The following BLK variants were observed in gnomAD, a reference collection of about 807,000 sequenced individuals.
The protein encoded by BLK is BLK proto-oncogene, Src family tyrosine kinase.
A neutral mutation model predicts 61.8 loss-of-function variants in BLK; 64 were observed. The ratio of observed to expected loss-of-function variants is 1.03; its 90% CI spans 0.85 to 1.27. BLK has a LOEUF of 1.27. BLK is among the 50% of genes most tolerant of loss of function. BLK has a pLI of 0.00. For missense variants in BLK, 853 were observed against 660.5 expected (o/e 1.29, Z -3.19); for synonymous variants, 351 against 272.0 (o/e 1.29, Z -2.86).
At chr8:11,535,365 G>T (rs1048191189) in intron 1 of BLK, among the ~76,000 whole-genome samples, 5 of 151,668 alleles carry the variant, frequency 3.3e-5, no homozygotes, top group Non-Finnish European at 4.4e-5. Context: ...GAAAGGAAGG[G>T]ATATATTGCA....
chr8:11,530,545 A>C (rs1585365327), intron 1 of BLK, among the ~76,000 whole-genome samples: 2 of 152,366 alleles, frequency 1.3e-5, no homozygotes, highest in East Asian at 3.9e-4. Flanking sequence ...TACTCAAGTA[A>C]CTATATTGCC....
chr8:11,508,996 GC>G (rs1324841499), intron 1 of BLK, among the ~76,000 whole-genome samples: 1 of 152,176 alleles, frequency 6.6e-6, no homozygotes, highest in Non-Finnish European at 1.5e-5. Context: ...GTCGTTAGCA[GC>G]CCAGCCTGTG....
At chr8:11,518,050 C>T (rs896757406) in intron 1 of BLK, among the ~76,000 whole-genome samples, 1 of 152,126 alleles carries the variant, frequency 6.6e-6, no homozygotes, top group Admixed American at 6.5e-5. Flanking sequence ...GCACTCAGAG[C>T]TCACTCTGCA....
chr8:11,531,277 T>A (rs1799876991), intron 1 of BLK, among the ~76,000 whole-genome samples: 1 of 152,230 alleles, frequency 6.6e-6, no homozygotes, highest in African/African-American at 2.4e-5. Context: ...CTTTTCTTAA[T>A]GGTGTTTTTA....
Position 11,550,272 on chromosome 8 carries a change from G to C in BLK, c.472+10G>C. On this transcript the variant is annotated intron_variant, in intron 6 of 12. Transcript: ENST00000259089. ...AGTGAAACCAACAAAGGTAGGCTTG[G>C]TGGCTTTGCCTGCCTTCCTTGCCCT... is the stretch of plus-strand genomic sequence containing the variant. 3 of 1,613,292 alleles carry C rather than the reference G, an allele frequency of 1.9e-6. No homozygotes were observed.
At chr8:11,535,127 A>G (rs576776959) in intron 1 of BLK, among the ~76,000 whole-genome samples, 1 of 152,030 alleles carries the variant, frequency 6.6e-6, no homozygotes, top group Non-Finnish European at 1.5e-5. Context: ...GCAGTGAGCC[A>G]TGATCACGCC....
At chr8:11,558,648 T>C (rs984502543) in intron 10 of BLK, 2 of 455,966 alleles carry the variant, frequency 4.4e-6, no homozygotes, top group African/African-American at 4.0e-5. Flanking sequence ...GTCCCTCACG[T>C]TCACATGCAG....
At chr8:11,505,679 C>G (rs1798745503) in intron 1 of BLK, among the ~76,000 whole-genome samples, 1 of 152,184 alleles carries the variant, frequency 6.6e-6, no homozygotes, top group Non-Finnish European at 1.5e-5. Flanking sequence ...TTCTAAAACT[C>G]AAATGTGGCC....
chr8:11,546,003 C>A, intron 2 of BLK, 49 bp from the exon 3 acceptor site: 1 of 1,598,676 alleles, frequency 6.3e-7, no homozygotes, highest in Non-Finnish European at 8.6e-7. Flanking sequence ...CCAGGCCCCA[C>A]CCACGCAGCA....
rs6994688 is a variant in BLK at position 11,520,336 on chromosome 8, G to C, written c.-1-22888G>C. ...TATAAAATTTACAAGAACTAGCCAG[G>C]TGTGGTGGTGCATGCCTGTAGTCCC... On this transcript the variant is annotated intron_variant, in intron 1 of 12. Transcript: ENST00000259089. Among the ~76,000 whole-genome samples the C allele has an allele frequency of 9.4e-3, 1,434 of 151,976 alleles. 26 individuals carry two copies. The highest frequency in any genetic ancestry group is 0.032 in the African/African-American group (1,334 of 41,446).
chr8:11,564,488 GCCC>G lies in BLK; in HGVS notation c.*382_*384del, dbSNP rs1165349046. 1 of 517,350 alleles carries G rather than the reference GCCC, an allele frequency of 1.9e-6. No individual in the cohort carries two copies. Among genetic ancestry groups the G allele is most frequent in the Non-Finnish European group, 3.7e-6 (1 of 266,844 alleles). 32.0% of individuals were successfully genotyped at this position (517,350 alleles called of 1,614,324 possible). A position where few individuals can be genotyped will look rare whatever the true frequency, so the allele number is the denominator to read the frequency against. ...CTGCGCCCTGCGTGGACCCCGCCCT[GCCC>G]CGCTACAGAAGCCAGACTGGGTCCC... On this transcript the variant is annotated 3_prime_UTR_variant, in exon 13 of 13. Coordinates refer to ENST00000259089, the MANE Select transcript of BLK (RefSeq NM_001715.3).
At chr8:11,525,175 G>T (rs564857847) in intron 1 of BLK, among the ~76,000 whole-genome samples, 3 of 152,172 alleles carry the variant, frequency 2.0e-5, no homozygotes, top group African/African-American at 7.2e-5. Flanking sequence ...TTCTAATGTT[G>T]CTCAGAGGCA....
chr8:11,556,427 G>A (rs777787300), intron 8 of BLK: 2 of 581,918 alleles, frequency 3.4e-6, no homozygotes, highest in Non-Finnish European at 6.2e-6. Flanking sequence ...GGGGCAAATA[G>A]GTGAAATGCC....
intron 12 of BLK, 75 bp from the exon 13 acceptor site, chr8:11,563,828 C>T (rs972965686): frequency 9.1e-6 from 13 of 1,429,832 alleles, no homozygotes; most frequent in African/African-American, 1.4e-5. Context: ...CACTGTGCCC[C>T]GCGGGACGCT....
chr8:11,538,014 C>A (rs558856785), intron 1 of BLK, among the ~76,000 whole-genome samples: 1 of 152,276 alleles, frequency 6.6e-6, no homozygotes, highest in East Asian at 1.9e-4. Context: ...CGACTAGACA[C>A]ACATGCACAC....
At chr8:11,518,996 C>A (rs543641812) in intron 1 of BLK, among the ~76,000 whole-genome samples, 7 of 152,246 alleles carry the variant, frequency 4.6e-5, no homozygotes, top group African/African-American at 1.7e-4. Context: ...GATTCTGTCC[C>A]GTCATCCTGT....
intron 1 of BLK, among the ~76,000 whole-genome samples, chr8:11,520,458 T>C (rs1437945643): frequency 6.7e-5 from 7 of 105,138 alleles, no homozygotes; most frequent in Non-Finnish European, 1.0e-4. Flanking sequence ...GCCTGGGCAA[T>C]GGAGCAAGAC....
intron 6 of BLK, chr8:11,553,130 A>G (rs954798738): frequency 1.5e-5 from 3 of 195,294 alleles, no homozygotes; most frequent in East Asian, 2.7e-4. Context: ...CACAACTCCA[A>G]AGCAAGACCC....
chr8:11,540,533 C>G (rs1034405188), intron 1 of BLK, among the ~76,000 whole-genome samples: 2 of 152,054 alleles, frequency 1.3e-5, no homozygotes, highest in African/African-American at 2.4e-5. Flanking sequence ...ATTAAAAGAA[C>G]ATTCCATTTA....
Sources: gnomAD v4.1 joint callset for allele counts (sites outside exome capture counted in the v4.1 genomes callset) on GRCh38, gnomAD v4.1.1 for gene constraint, MANE v1.5 for transcripts, NCBI Gene and HGNC (gene_info 2026-07-23, HGNC 2026-07-21) for gene names.